Variants in ST6GAL2 observed in about 807,000 individuals in gnomAD.
ST6GAL2 encodes the protein ST6 beta-galactoside alpha-2,6-sialyltransferase 2.
In ST6GAL2, 24 loss-of-function variants were observed where a neutral mutation model predicts 37.5. The observed-to-expected ratio is 0.64, with a 90% confidence interval of 0.46 to 0.90. The LOEUF is 0.90. Among genes scored for constraint, ST6GAL2 ranks in the 40% least tolerant of loss-of-function variants. The pLI is 0.00. For synonymous variants in ST6GAL2, 306 were observed against 295.1 expected (o/e 1.04, Z -0.38); for missense variants, 715 against 712.7 (o/e 1.00, Z -0.04).
intron 5 of ST6GAL2, among the ~76,000 whole-genome samples, chr2:106,820,514 A>C (rs1675963084): frequency 6.6e-6 from 1 of 152,106 alleles, no homozygotes; most frequent in Admixed American, 6.6e-5. Context: ...AGAGAGCTAG[A>C]CCCCAAAATA....
chr2:106,874,629 A>C (rs1026401082), intron 1 of ST6GAL2, among the ~76,000 whole-genome samples: 2 of 152,124 alleles, frequency 1.3e-5, no homozygotes, highest in Non-Finnish European at 2.9e-5. Context: ...TTCTAATATA[A>C]AATGCTCTGT....
intron 5 of ST6GAL2, among the ~76,000 whole-genome samples, chr2:106,809,808 C>A (rs1435662688): frequency 6.6e-6 from 1 of 152,160 alleles, no homozygotes; most frequent in African/African-American, 2.4e-5. Context: ...GAAAAATGAT[C>A]AACTATTTGG....
chr2:106,868,999 A>G (rs1335250106), intron 1 of ST6GAL2, among the ~76,000 whole-genome samples: 1 of 152,220 alleles, frequency 6.6e-6, no homozygotes, highest in Non-Finnish European at 1.5e-5. Flanking sequence ...TCTATGGTGA[A>G]AGGAGTTTCT....
chr2:106,874,634 C>T (rs981842125), intron 1 of ST6GAL2, among the ~76,000 whole-genome samples: 7 of 152,094 alleles, frequency 4.6e-5, no homozygotes, highest in African/African-American at 1.2e-4. Flanking sequence ...ATATAAAATG[C>T]TCTGTTAGCT....
chr2:106,868,640 G>T lies in ST6GAL2; in HGVS notation c.-58+17453C>A, dbSNP rs115992151. 9.3e-3 allele frequency among the ~76,000 whole-genome samples: 1,409 copies of T among 152,322 alleles called. 6 individuals carry two copies. Among genetic ancestry groups the T allele is most frequent in the Non-Finnish European group, 0.011 (742 of 68,028 alleles). ...TAGAACTGCCGTTATCAGAGACAGA[G>T]ATGGGAGATGAGAAAGAAACAGATT... On this transcript the variant is annotated intron_variant, in intron 1 of 5. Transcript: ENST00000409382.
Position 106,843,724 on chromosome 2 carries a change from G to T in ST6GAL2, c.254C>A (p.Pro85Gln), listed in dbSNP as rs1209670004. The change falls in exon 2 of 6, where the codon CCA becomes CAA. Residue 85 changes from proline to glutamine, a missense_variant. Coordinates refer to ENST00000409382, the MANE Select transcript of ST6GAL2 (RefSeq NM_001142351.2). ...AGGCCCCGCATGAAAGGAACCGGCT[G>T]GGTGGGCGCGGGGCAGCGCCTGGCG... ...DARQALPRAH[P>Q]AGSFHAGPGD... 1 of 1,612,826 alleles carries T rather than the reference G, an allele frequency of 6.2e-7. No homozygotes were observed. The highest frequency in any genetic ancestry group is 8.5e-7 in the Non-Finnish European group (1 of 1,179,842).
intron 1 of ST6GAL2, among the ~76,000 whole-genome samples, chr2:106,855,658 C>A (rs1677545711): frequency 6.6e-6 from 1 of 151,974 alleles, no homozygotes; most frequent in Non-Finnish European, 1.5e-5. Flanking sequence ...GGTACATAAA[C>A]TCTTATTATA....
chr2:106,884,129 G>C (rs974269843), intron 1 of ST6GAL2, among the ~76,000 whole-genome samples: 1 of 152,088 alleles, frequency 6.6e-6, no homozygotes, highest in Admixed American at 6.5e-5. Flanking sequence ...TCGGGGGTGG[G>C]GGGGTGGAAC....
intron 2 of ST6GAL2, chr2:106,834,958 A>C (rs1390288077): frequency 2.0e-5 from 3 of 152,184 alleles, no homozygotes; most frequent in Non-Finnish European, 2.9e-5. Context: ...GCTGGGCTGG[A>C]AGGTCCTGGA....
chr2:106,878,320 C>G (rs2104645361), intron 1 of ST6GAL2, among the ~76,000 whole-genome samples: 1 of 151,476 alleles, frequency 6.6e-6, no homozygotes, highest in East Asian at 2.0e-4. Flanking sequence ...AAAAAGTAAC[C>G]AGGTGTGGTG....
intron 5 of ST6GAL2, among the ~76,000 whole-genome samples, chr2:106,819,532 A>C (rs1675923777): frequency 6.6e-6 from 1 of 152,144 alleles, no homozygotes. Flanking sequence ...TCAAACATAA[A>C]GGAGAAATGA....
chr2:106,870,167 T>C (rs942533771), intron 1 of ST6GAL2, among the ~76,000 whole-genome samples: 5 of 152,264 alleles, frequency 3.3e-5, no homozygotes, highest in African/African-American at 1.2e-4. Context: ...AATGAGATTC[T>C]TCCCACCCTT....
intron 1 of ST6GAL2, among the ~76,000 whole-genome samples, chr2:106,860,654 T>C (rs1332307604): frequency 6.6e-6 from 1 of 152,066 alleles, no homozygotes; most frequent in African/African-American, 2.4e-5. Context: ...AAACACTCCA[T>C]ATCCATTGTG....
intron 5 of ST6GAL2, among the ~76,000 whole-genome samples, chr2:106,816,715 C>G (rs905027306): frequency 3.9e-5 from 6 of 152,190 alleles, no homozygotes; most frequent in Non-Finnish European, 7.3e-5. Flanking sequence ...CCAGCAGGAA[C>G]ACCAAAGTCA....
At chr2:106,821,374 T>C (rs1484088029) in intron 5 of ST6GAL2, among the ~76,000 whole-genome samples, 2 of 150,670 alleles carry the variant, frequency 1.3e-5, no homozygotes, top group East Asian at 1.9e-4. Flanking sequence ...ATAGTATATA[T>C]TAAATTGTAT....
In ST6GAL2 at chr2:106,864,258, C is replaced by G. The variant is rs143962982; in HGVS notation, c.-57-20224G>C. On this transcript the variant is annotated intron_variant, in intron 1 of 5. Transcript: ENST00000409382. ...GAGACTACAGGCACTGCCAGACACACACCTGCAAGCCTATGCAAGGGTTGT... is the reference window on the plus strand; with the variant it reads ...GAGACTACAGGCACTGCCAGACACAGACCTGCAAGCCTATGCAAGGGTTGT... 3.8e-3 allele frequency among the ~76,000 whole-genome samples: 572 copies of G among 152,330 alleles called. 18 individuals carry two copies. Among genetic ancestry groups the G allele is most frequent in the Admixed American group, 0.032 (493 of 15,306 alleles).
intron 5 of ST6GAL2, among the ~76,000 whole-genome samples, chr2:106,827,553 C>G (rs755836771): frequency 6.6e-6 from 1 of 152,194 alleles, no homozygotes; most frequent in Non-Finnish European, 1.5e-5. Context: ...CAACCCTTAC[C>G]CACAGAGCAC....
chr2:106,831,284 A>G (rs568990961), intron 4 of ST6GAL2, among the ~76,000 whole-genome samples: 2 of 152,340 alleles, frequency 1.3e-5, no homozygotes, highest in Admixed American at 6.5e-5. Flanking sequence ...GGGGCCTCAC[A>G]TGGCAGCAAA....
rs925670273 is a variant in ST6GAL2, at chr2:106,806,493, T to C, written c.*185A>G. On this transcript the variant is annotated 3_prime_UTR_variant, in exon 6 of 6. Transcript: ENST00000409382. ...GAGCCTTATTTTTTTAAAAAAACCATTTCTATGTTCAAAGCAGTAATACAT... is the reference window on the plus strand; with the variant it reads ...GAGCCTTATTTTTTTAAAAAAACCACTTCTATGTTCAAAGCAGTAATACAT... 1 of 679,274 alleles carries C rather than the reference T, an allele frequency of 1.5e-6. No individual in the cohort carries two copies. Among genetic ancestry groups the C allele is most frequent in the Non-Finnish European group, 2.3e-6 (1 of 428,426 alleles). The allele number at this position is 679,274 out of a possible 1,614,324, so 42.1% of individuals were successfully genotyped here. A position where few individuals can be genotyped will look rare whatever the true frequency, so the allele number is the denominator to read the frequency against.
Sources: gnomAD v4.1 joint callset for allele counts (sites outside exome capture counted in the v4.1 genomes callset) on GRCh38, gnomAD v4.1.1 for gene constraint, MANE v1.5 for transcripts, NCBI Gene and HGNC (gene_info 2026-07-23, HGNC 2026-07-21) for gene names.